Variants in UBXN2B observed in about 807,000 individuals in gnomAD.
UBXN2B encodes UBX domain-containing protein 2B.
In UBXN2B, 19 loss-of-function variants were observed where a neutral mutation model predicts 37.5. That is an observed-to-expected ratio of 0.51 (90% CI 0.35 to 0.74). The LOEUF is 0.74. UBXN2B is among the 30% of genes least tolerant of loss of function. UBXN2B has a pLI of 0.01. For missense variants in UBXN2B, 370 were observed against 393.2 expected, an observed-to-expected ratio of 0.94 and a Z score of 0.50; for synonymous variants, 145 against 143.8, an observed-to-expected ratio of 1.01 and a Z score of -0.06.
At chr8:58,439,499 G>A (rs1213992939) in intron 5 of UBXN2B, 134 bp from the exon 6 acceptor site, 8 of 1,098,504 alleles carry the variant, frequency 7.3e-6, no homozygotes, top group African/African-American at 6.5e-5. Context: ...AGTCATTATG[G>A]AAATTTTTGT....
intron 2 of UBXN2B, among the ~76,000 whole-genome samples, chr8:58,418,909 A>G (rs1807852554): frequency 6.6e-6 from 1 of 152,238 alleles, no homozygotes; most frequent in South Asian, 2.1e-4. Flanking sequence ...CAGTTTGAAC[A>G]TAAGTTGAAT....
Position 58,416,951 on chromosome 8 carries a change from A to C in UBXN2B, c.186A>C (p.Gln62His). The C allele has an allele frequency of 6.3e-7, 1 of 1,591,242 alleles. No individual in the cohort carries two copies. Among genetic ancestry groups the C allele is most frequent in the Non-Finnish European group, 8.6e-7 (1 of 1,167,328 alleles). Residue 62 changes from glutamine to histidine, a missense_variant and splice_region_variant, in exon 2 of 8, where the codon CAA (glutamine) becomes CAC (histidine). Gln to His is a conservative substitution (Grantham distance 24). Around this residue, in one of 3 missense-constraint regions of UBXN2B, gnomAD observed 197 missense variants for 170.2 expected, o/e 1.16. Coordinates refer to ENST00000399598, the MANE Select transcript of UBXN2B (RefSeq NM_001077619.2). The stretch of plus-strand genomic sequence containing the variant: ...TCAAGAGCCCACGGACACCACCTCA[A>C]CGGTAAGTTTTATTTTGTTTTGTTG... ...TVFKSPRTPP[Q>H]RFYSSEHEYS...
rs144225472 is a variant in UBXN2B at position 58,429,602 on chromosome 8, C to G, written c.189-917C>G. ...ACTGCAAAGTGAGAGCTGGTCTGTT[C>G]TTTCCTCTATCTTACTCAGTTTTGC... is the stretch of plus-strand genomic sequence containing the variant. On this transcript the variant is annotated intron_variant, in intron 2 of 7. Coordinates refer to ENST00000399598, the MANE Select transcript of UBXN2B (RefSeq NM_001077619.2). 2.0e-5 allele frequency among the ~76,000 whole-genome samples: 3 copies of G among 152,106 alleles called. No homozygotes were observed. In the East Asian group the frequency reaches 5.8e-4, roughly 30 times the overall value.
chr8:58,415,429 G>A (rs1039117499), intron 1 of UBXN2B, among the ~76,000 whole-genome samples: 7 of 151,906 alleles, frequency 4.6e-5, no homozygotes, highest in African/African-American at 1.7e-4. Context: ...GTGCATGTCT[G>A]TCTCTCTCTC....
chr8:58,418,917 A>T (rs1205659903), intron 2 of UBXN2B, among the ~76,000 whole-genome samples: 2 of 152,230 alleles, frequency 1.3e-5, no homozygotes, highest in African/African-American at 4.8e-5. Flanking sequence ...ACATAAGTTG[A>T]ATGACTTAAT....
rs755870619 is a variant in UBXN2B, at chr8:58,442,149, TG to T, written c.671+2380del. 1.4e-3 allele frequency among the ~76,000 whole-genome samples: 217 copies of T among 152,274 alleles called. 4 individuals are homozygous for T. The highest frequency in any genetic ancestry group is 5.1e-4 in the Non-Finnish European group (35 of 68,018). On this transcript the variant is annotated intron_variant, in intron 6 of 7. Coordinates refer to ENST00000399598, the MANE Select transcript of UBXN2B (RefSeq NM_001077619.2). ...TACTTCCACCAAACAAGTGTATGTT[TG>T]TTTGGTGGAAGGGTAGAATCATGAA...
chr8:58,437,333 T>C (rs1203257818), intron 5 of UBXN2B, among the ~76,000 whole-genome samples: 5 of 140,096 alleles, frequency 3.6e-5, no homozygotes, highest in Non-Finnish European at 6.3e-5. Context: ...TTTTTTTTTT[T>C]TTTTTTTTTT....
chr8:58,430,791 T>A (rs1250749341), intron 3 of UBXN2B, 122 bp downstream of exon 3: 3 of 800,738 alleles, frequency 3.7e-6, no homozygotes, highest in African/African-American at 3.6e-5. Flanking sequence ...TTTGTTTCAT[T>A]TTTATAAAAT....
At chr8:58,435,825 ACT>A (rs750161254) in intron 5 of UBXN2B, among the ~76,000 whole-genome samples, 1 of 152,194 alleles carries the variant, frequency 6.6e-6, no homozygotes, top group East Asian at 1.9e-4. Context: ...TTTAGAAAAG[ACT>A]CTAAAGAAAA....
chr8:58,445,738 T>A (rs1412132081), intron 6 of UBXN2B, among the ~76,000 whole-genome samples, 169 bp from the exon 7 acceptor site: 1 of 152,158 alleles, frequency 6.6e-6, no homozygotes, highest in African/African-American at 2.4e-5. Context: ...TATGAGAGAT[T>A]AGATAAACCA....
At chr8:58,433,294 TA>T (rs1808329579) in intron 4 of UBXN2B, 51 bp downstream of exon 4, 6 of 1,441,342 alleles carry the variant, frequency 4.2e-6, no homozygotes, top group Non-Finnish European at 5.7e-6. Context: ...TTCTAGTTAC[TA>T]AAACTGTTGG....
At chr8:58,440,635 T>C (rs1314078460) in intron 6 of UBXN2B, among the ~76,000 whole-genome samples, 1 of 152,228 alleles carries the variant, frequency 6.6e-6, no homozygotes. Context: ...GCAGGTGATA[T>C]GGAATTGCCA....
At chr8:58,420,405 AGTGAATCTC>A (rs1458837817) in intron 2 of UBXN2B, among the ~76,000 whole-genome samples, 1 of 152,226 alleles carries the variant, frequency 6.6e-6, no homozygotes, top group Non-Finnish European at 1.5e-5. Context: ...AAGGCAATTA[AGTGAATCTC>A]TTGAAACACT....
chr8:58,442,035 A>G (rs1436679752), intron 6 of UBXN2B, among the ~76,000 whole-genome samples: 1 of 152,200 alleles, frequency 6.6e-6, no homozygotes, highest in African/African-American at 2.4e-5. Context: ...ACTAGGGACT[A>G]GATACTAGAA....
At chr8:58,424,601 T>G (rs1808024221) in intron 2 of UBXN2B, 3 of 1,129,340 alleles carry the variant, frequency 2.7e-6, no homozygotes, top group East Asian at 2.4e-5. Context: ...TCTGAAACTC[T>G]TCTGCTGTTG....
At chr8:58,426,390 A>C in intron 2 of UBXN2B, 2 of 508,022 alleles carry the variant, frequency 3.9e-6, no homozygotes, top group Non-Finnish European at 7.2e-6. Context: ...TGTATTTTTT[A>C]GTAGAGACGG....
At chr8:58,446,561 A>C (rs1808673159) in intron 7 of UBXN2B, among the ~76,000 whole-genome samples, 1 of 152,020 alleles carries the variant, frequency 6.6e-6, no homozygotes, top group African/African-American at 2.4e-5. Context: ...TGACTTGTAC[A>C]TCAACATTTG....
intron 6 of UBXN2B, among the ~76,000 whole-genome samples, chr8:58,442,165 A>G (rs1050630819): frequency 6.6e-6 from 1 of 152,220 alleles, no homozygotes; most frequent in Non-Finnish European, 1.5e-5. Flanking sequence ...GTGGAAGGGT[A>G]GAATCATGAA....
At chr8:58,433,016 T>G (rs1285587397) in intron 3 of UBXN2B, 144 bp from the exon 4 acceptor site, 2 of 567,960 alleles carry the variant, frequency 3.5e-6, no homozygotes, top group Non-Finnish European at 6.2e-6. Flanking sequence ...AGTCAAGTCT[T>G]ATGGTAATTT....
Sources: allele counts gnomAD v4.1 joint callset (sites outside exome capture counted in the v4.1 genomes callset), GRCh38; gene constraint gnomAD v4.1.1; regional missense constraint gnomAD v4.1.1; transcripts MANE v1.5; gene names NCBI Gene and HGNC (gene_info 2026-07-23, HGNC 2026-07-21).